Variants in TTC38 observed in about 807,000 individuals in gnomAD.
TTC38 encodes tetratricopeptide repeat domain 38.
Under a neutral mutation model 64.2 loss-of-function variants are expected in TTC38, and 64 were observed. The ratio of observed to expected loss-of-function variants is 1.00; its 90% CI spans 0.81 to 1.23. TTC38 has a LOEUF of 1.23. Among genes scored for constraint, TTC38 ranks in the 50% most tolerant of loss-of-function variants. The probability of loss-of-function intolerance (pLI) is 0.00; values close to 1 mark genes in which losing one functional copy is unlikely to be tolerated. For missense variants in TTC38, 573 were observed against 615.5 expected (o/e 0.93, Z 0.73); for synonymous variants, 254 against 249.3 (o/e 1.02, Z -0.18).
At chr22:46,288,612 G>A (rs2077588934) in intron 11 of TTC38, 24 bp downstream of exon 11, 10 of 1,610,132 alleles carry the variant, frequency 6.2e-6, no homozygotes, top group Non-Finnish European at 8.5e-6. Flanking sequence ...CCTTCTCGGG[G>A]TGGGGGTCCT....
Position 46,291,680 on chromosome 22 carries a change from C to A in TTC38, c.1317-1111C>A, listed in dbSNP as rs779797494. ...TTAAAAGTGCCACAGACAGGCCGGG[C>A]ACGGTGGCTCATGCCTGTAATCCCA... On this transcript the variant is annotated intron_variant, in intron 13 of 13. Coordinates refer to ENST00000381031, the MANE Select transcript of TTC38 (RefSeq NM_017931.4). The surrounding 1 kb of genome is among the most constrained non-coding windows in gnomAD (Gnocchi z 4.6). 9.2e-5 allele frequency among the ~76,000 whole-genome samples: 14 copies of A among 152,262 alleles called. No individual in the cohort carries two copies. Among genetic ancestry groups the A allele is most frequent in the Non-Finnish European group, 1.8e-4 (12 of 68,012 alleles).
chr22:46,277,819 G>C (rs1036174821), intron 5 of TTC38, among the ~76,000 whole-genome samples: 1 of 152,136 alleles, frequency 6.6e-6, no homozygotes, highest in African/African-American at 2.4e-5. Flanking sequence ...AGAAGTCAAG[G>C]AGGAGCTGTT....
rs538848788 is a variant in TTC38 at position 46,289,869 on chromosome 22, G to A, written c.1286G>A (p.Cys429Tyr). Residue 429 changes from cysteine to tyrosine, a missense_variant, in exon 13 of 14, where the codon TGC (cysteine) becomes TAC (tyrosine). Cys to Tyr is a radical substitution (Grantham distance 194). Coordinates refer to ENST00000381031, the MANE Select transcript of TTC38 (RefSeq NM_017931.4). The stretch of plus-strand genomic sequence containing the variant: ...CTGCTGATTCACGCGGCCTTAAACT[G>A]CACCTCCAGCGTCCATAAGAACGTA... Reference protein sequence around the residue: ...NQLLIHAALNCTSSVHKNVAR... With the variant: ...NQLLIHAALNYTSSVHKNVAR... 6.8e-6 allele frequency: 11 copies of A among 1,614,164 alleles called. No individual in the cohort carries two copies. The South Asian group carries it at 1.1e-4, about 16-fold the overall frequency.
rs527655943 is a variant in TTC38 at position 46,281,180 on chromosome 22, T to C, written c.616-419T>C. Among the ~76,000 whole-genome samples the C allele has an allele frequency of 1.3e-5, 2 of 152,338 alleles. No individual in the cohort carries two copies. Among genetic ancestry groups the C allele is most frequent in the East Asian group, 3.9e-4 (2 of 5,184 alleles). On this transcript the variant is annotated intron_variant, in intron 6 of 13. Transcript: ENST00000381031. This position sits in a 1 kb window ranked among gnomAD's most constrained non-coding sequence, Gnocchi z 5.2. ...GTTCACACCACGTTCACATGGGCAG[T>C]AACCACTTCTCTAAGAGAAAGGCAG...
At position 46,281,502 on chromosome 22, in the gene TTC38, C is replaced by A; in HGVS notation, c.616-97C>A. 6.8e-7 allele frequency: 1 copy of A among 1,475,890 alleles called. No individual in the cohort carries two copies. The highest frequency in any genetic ancestry group is 9.3e-7 in the Non-Finnish European group (1 of 1,075,076). 91.4% of individuals were successfully genotyped at this position (1,475,890 alleles called of 1,614,324 possible). ...CCCCACTTGCTCCACCCCGTTCAGC[C>A]CAGGCCCCTCTTGCCCCTTAGAGAC... On this transcript the variant is annotated intron_variant, in intron 6 of 13. Coordinates refer to ENST00000381031, the MANE Select transcript of TTC38 (RefSeq NM_017931.4). The surrounding 1 kb of genome is among the most constrained non-coding windows in gnomAD (Gnocchi z 5.2).
In TTC38 at chr22:46,292,188, T is replaced by G. The variant is rs1200231721; in HGVS notation, c.1317-603T>G. The G allele has an allele frequency of 6.8e-6, 3 of 440,934 alleles. No individual in the cohort carries two copies. The highest frequency in any genetic ancestry group is 5.0e-5 in the South Asian group (3 of 60,560). 27.3% of individuals were successfully genotyped at this position (440,934 alleles called of 1,614,324 possible). On this transcript the variant is annotated intron_variant, in intron 13 of 13. Transcript: ENST00000381031. This position sits in a 1 kb window ranked among gnomAD's most constrained non-coding sequence, Gnocchi z 6.5. Reference sequence around the variant, plus strand: ...CTTCTTTCTTCTTTCTTTTTAAATTTTTTTATATTTTTAGAGGCAAGGTCT... The same window carrying G: ...CTTCTTTCTTCTTTCTTTTTAAATTGTTTTATATTTTTAGAGGCAAGGTCT...
intron 13 of TTC38, among the ~76,000 whole-genome samples, chr22:46,290,396 C>A (rs2077604861): frequency 6.6e-6 from 1 of 151,368 alleles, no homozygotes; most frequent in Non-Finnish European, 1.5e-5. Context: ...CGTAAACTCG[C>A]ACTGAGGGAG....
In TTC38 at chr22:46,281,173, T is replaced by C. The variant is rs1440528913; in HGVS notation, c.616-426T>C. ...CTTGATAGTTCACACCACGTTCACA[T>C]GGGCAGTAACCACTTCTCTAAGAGA... On this transcript the variant is annotated intron_variant, in intron 6 of 13. Transcript: ENST00000381031. The surrounding 1 kb of genome is among the most constrained non-coding windows in gnomAD (Gnocchi z 5.2). 6.6e-6 allele frequency among the ~76,000 whole-genome samples: 1 copy of C among 152,228 alleles called. No homozygotes were observed.
chr22:46,290,311 G>C (rs2077604106), intron 13 of TTC38, among the ~76,000 whole-genome samples: 2 of 152,242 alleles, frequency 1.3e-5, no homozygotes, highest in Admixed American at 1.3e-4. Flanking sequence ...GCAGTGAGCA[G>C]GCACACCAGT....
intron 11 of TTC38, 151 bp from the exon 12 acceptor site, chr22:46,289,251 C>T: frequency 3.0e-6 from 3 of 1,015,070 alleles, no homozygotes; most frequent in Non-Finnish European, 4.3e-6. Flanking sequence ...CCTGTCCCCT[C>T]GATGGGCTGC....
intron 1 of TTC38, 52 bp downstream of exon 1, chr22:46,268,124 G>T: frequency 6.6e-7 from 1 of 1,514,246 alleles, no homozygotes; most frequent in East Asian, 2.5e-5. Context: ...GGGTCCTGGG[G>T]GTGGCCCGGT....
chr22:46,276,769 A>G lies in TTC38; in HGVS notation c.539+1348A>G, dbSNP rs1345467137. Among the ~76,000 whole-genome samples, 2 of 139,672 alleles carry G rather than the reference A, an allele frequency of 1.4e-5. No homozygotes were observed. Among genetic ancestry groups the G allele is most frequent in the Non-Finnish European group, 3.2e-5 (2 of 63,014 alleles). The allele number at this position is 139,672 out of a possible 152,430, so 91.6% of individuals were successfully genotyped here. A position where few individuals can be genotyped will look rare whatever the true frequency, so the allele number is the denominator to read the frequency against. On this transcript the variant is annotated intron_variant, in intron 5 of 13. Transcript: ENST00000381031. This position sits in a 1 kb window ranked among gnomAD's most constrained non-coding sequence, Gnocchi z 4.7. ...TAAAATACATATATTAAAAATATATATTAAATATATATTAAAATATATATT... is the reference window on the plus strand; with the variant it reads ...TAAAATACATATATTAAAAATATATGTTAAATATATATTAAAATATATATT...
At chr22:46,268,210 C>A in intron 1 of TTC38, 138 bp downstream of exon 1, 1 of 992,336 alleles carries the variant, frequency 1.0e-6, no homozygotes, top group Non-Finnish European at 1.4e-6. Context: ...GCGTCCGCGG[C>A]AACGCCTGGA....
rs2077632687 is a variant in TTC38 at position 46,293,633 on chromosome 22, A to G, written c.*749A>G. The stretch of plus-strand genomic sequence containing the variant: ...ATGTCGAGCATGATTTTAATCATAA[A>G]TGCACTTCTGAGGTGCAAGGATTGA... On this transcript the variant is annotated 3_prime_UTR_variant, in exon 14 of 14. Coordinates refer to ENST00000381031, the MANE Select transcript of TTC38 (RefSeq NM_017931.4). This position sits in a 1 kb window ranked among gnomAD's most constrained non-coding sequence, Gnocchi z 6.6. 1 of 152,210 alleles carries G rather than the reference A, an allele frequency of 6.6e-6. No individual in the cohort carries two copies. The highest frequency in any genetic ancestry group is 1.5e-5 in the Non-Finnish European group (1 of 68,052). The allele number at this position is 152,210 out of a possible 1,614,324, so 9.4% of individuals were successfully genotyped here.
In TTC38 at chr22:46,278,635, G is replaced by A. The variant is rs753722029; in HGVS notation, c.589G>A (p.Asp197Asn). 14 of 1,613,878 alleles carry A rather than the reference G, an allele frequency of 8.7e-6. No homozygotes were observed. The highest frequency in any genetic ancestry group is 2.2e-5 in the East Asian group (1 of 44,876). Residue 197 changes from aspartate to asparagine, a missense_variant, in exon 6 of 14, where the codon GAC becomes AAC. Coordinates refer to ENST00000381031, the MANE Select transcript of TTC38 (RefSeq NM_017931.4). ...TGGCTTGATGGAAACCAACTTCTAC[G>A]ACCAGGCAGAAAAACTCGCCAAAGA... ...SFGLMETNFYDQAEKLAKEAL... is the reference protein window; with the variant it reads ...SFGLMETNFYNQAEKLAKEAL...
Position 46,280,553 on chromosome 22 carries a change from A to G in TTC38, c.616-1046A>G, listed in dbSNP as rs550829481. 4.7e-3 allele frequency among the ~76,000 whole-genome samples: 719 copies of G among 152,286 alleles called. 6 individuals are homozygous for G. Among genetic ancestry groups the G allele is most frequent in the Non-Finnish European group, 8.2e-3 (557 of 68,010 alleles). The stretch of plus-strand genomic sequence containing the variant: ...GGGGCCCCACGCCCGCCCTGCTTAG[A>G]CTGTGCCCAAGTGTCCTGTACTCAG... On this transcript the variant is annotated intron_variant, in intron 6 of 13. Transcript: ENST00000381031.
chr22:46,280,617 C>T lies in TTC38; in HGVS notation c.616-982C>T, dbSNP rs563421244. Among the ~76,000 whole-genome samples the T allele has an allele frequency of 7.2e-5, 11 of 152,374 alleles. No homozygotes were observed. In the East Asian group the frequency reaches 1.9e-3, roughly 27 times the overall value. ...GGGTGCCCACGGTCCCCTACAGACACACTTTCTTTCCCTCTGTTCCCACAT... is the reference window on the plus strand; with the variant it reads ...GGGTGCCCACGGTCCCCTACAGACATACTTTCTTTCCCTCTGTTCCCACAT... On this transcript the variant is annotated intron_variant, in intron 6 of 13. Transcript: ENST00000381031.
intron 6 of TTC38, chr22:46,279,925 G>C (rs2077521068): frequency 2.9e-6 from 1 of 350,008 alleles, no homozygotes; most frequent in Non-Finnish European, 5.9e-6. Flanking sequence ...GGTAGCTGTG[G>C]CAAACCAGAT....
intron 9 of TTC38, among the ~76,000 whole-genome samples, chr22:46,285,761 C>T (rs1243590441): frequency 6.6e-6 from 1 of 151,832 alleles, no homozygotes; most frequent in African/African-American, 2.4e-5. Flanking sequence ...ACCTGTAATC[C>T]CAGTAATTTG....
Sources: gnomAD v4.1 joint callset for allele counts (sites outside exome capture counted in the v4.1 genomes callset) on GRCh38, gnomAD v4.1.1 for gene constraint, Gnocchi (gnomAD v3.1) non-coding constraint, MANE v1.5 for transcripts, NCBI Gene and HGNC (gene_info 2026-07-23, HGNC 2026-07-21) for gene names.